MTR: variants seen among roughly 807,000 people sequenced by gnomAD.
MTR encodes 5-methyltetrahydrofolate-homocysteine methyltransferase, also known as methionine synthase.
MTR carries 84 observed loss-of-function variants against 154.8 expected under a neutral mutation model. That is an observed-to-expected ratio of 0.54 (90% CI 0.45 to 0.65). The LOEUF is 0.65. MTR is among the 30% of genes least tolerant of loss of function. The pLI is 0.00. For missense variants in MTR, 1,275 were observed against 1,570.2 expected, an observed-to-expected ratio of 0.81 and a Z score of 3.18; for synonymous variants, 554 against 553.9, an observed-to-expected ratio of 1.00 and a Z score of 0.00.
At chr1:236,821,007 T>C (rs936032902) in intron 8 of MTR, among the ~76,000 whole-genome samples, 1 of 152,250 alleles carries the variant, frequency 6.6e-6, no homozygotes, top group African/African-American at 2.4e-5. Flanking sequence ...TGTTGTTGAA[T>C]TTTAAGAATT....
In MTR at chr1:236,828,342, T is replaced by A. The variant is rs1007316070; in HGVS notation, c.996-847T>A. Among the ~76,000 whole-genome samples, 5 of 152,236 alleles carry A rather than the reference T, an allele frequency of 3.3e-5. No homozygotes were observed. The East Asian group carries it at 7.7e-4, about 23-fold the overall frequency. ...AAGCTGTCAGTAGTTAAATATTGCT[T>A]ATCTTTGGATCAGCAACTATTTCTT... On this transcript the variant is annotated intron_variant, in intron 11 of 32. Transcript: ENST00000366577.
chr1:236,803,039 G>T (rs948348023), intron 1 of MTR, among the ~76,000 whole-genome samples: 2 of 152,154 alleles, frequency 1.3e-5, no homozygotes, highest in African/African-American at 2.4e-5. Flanking sequence ...GAATAGTTTG[G>T]AATTATTGAT....
chr1:236,889,066 G>T, intron 27 of MTR, 115 bp from the exon 28 acceptor site: 1 of 1,265,260 alleles, frequency 7.9e-7, no homozygotes, highest in Admixed American at 1.7e-5. Flanking sequence ...ACTCCTACGG[G>T]TGACAGGAGG....
rs1666494826 is a variant in MTR at position 236,894,272 on chromosome 1, G to A, written c.3205-85G>A. ...GTTGTGAAGCTTATTCTCATTTGACGATACCCGATTGCTCTTCATGGTGTG... is the reference window on the plus strand; with the variant it reads ...GTTGTGAAGCTTATTCTCATTTGACAATACCCGATTGCTCTTCATGGTGTG... On this transcript the variant is annotated intron_variant, in intron 29 of 32. Transcript: ENST00000366577. 4 of 1,311,018 alleles carry A rather than the reference G, an allele frequency of 3.1e-6. No homozygotes were observed. The South Asian group carries it at 3.6e-5, about 12-fold the overall frequency. The allele number at this position is 1,311,018 out of a possible 1,614,324, so 81.2% of individuals were successfully genotyped here.
chr1:236,888,634 G>T (rs538670119), intron 27 of MTR, among the ~76,000 whole-genome samples: 2 of 152,292 alleles, frequency 1.3e-5, no homozygotes, highest in Admixed American at 6.5e-5. Flanking sequence ...CAGAGTGGAG[G>T]ATTATGTATT....
At position 236,852,547 on chromosome 1, in the gene MTR, T is replaced by C. The variant is rs142857114; in HGVS notation, c.1722T>C (p.Ser574=). Residue 574 remains serine (S), a synonymous_variant, in exon 17 of 33, where the codon AGT becomes AGC. Transcript: ENST00000366577. The part of the protein sequence containing the change: ...IKETLPGARI[S]GGLSNLSFSF... ...AAACATTACCTGGAGCCAGAATAAG[T>C]GGAGGTCTTTCCAACTTGTCCTTCT... 300 of 1,614,014 alleles carry C rather than the reference T, an allele frequency of 1.9e-4. 4 individuals carry two copies. In the East Asian group the frequency reaches 6.6e-3, roughly 35 times the overall value.
Position 236,889,205 on chromosome 1 carries a change from A to G in MTR, c.2876A>G (p.Gln959Arg). The change falls in exon 28 of 33, where the codon CAG (glutamine) becomes CGG (arginine). Residue 959 changes from glutamine to arginine, a missense_variant. By Grantham distance (43) the Gln-to-Arg change is conservative. Transcript: ENST00000366577. ...GTGAAGCCCACGTTTATTGGGACCCAGGTCTTTGAAGACTATGACCTGCAG... is the reference window on the plus strand; with the variant it reads ...GTGAAGCCCACGTTTATTGGGACCCGGGTCTTTGAAGACTATGACCTGCAG... ...HPVKPTFIGT[Q>R]VFEDYDLQKL... 1.2e-6 allele frequency: 2 copies of G among 1,614,246 alleles called. No individual in the cohort carries two copies.
rs767855659 is a variant in MTR at position 236,874,783 on chromosome 1, C to T, written c.2531C>T (p.Ala844Val). ...TPSLDEMIFVAKEMERLAIRI... is the reference protein window; with the variant it reads ...TPSLDEMIFVVKEMERLAIRI... ...TCCCTGGATGAAATGATTTTTGTTG[C>T]CAAGGAAATGGAGAGATTAGCTATA... The change falls in exon 24 of 33, where the codon GCC (alanine) becomes GTC (valine). Residue 844 changes from alanine to valine, a missense_variant. Physicochemically the swap from Ala to Val is moderately conservative, Grantham distance 64 (BLOSUM62 0). Transcript: ENST00000366577. 3.7e-6 allele frequency: 6 copies of T among 1,612,366 alleles called. No homozygotes were observed. Among genetic ancestry groups the T allele is most frequent in the Admixed American group, 1.7e-5 (1 of 59,930 alleles).
At position 236,832,977 on chromosome 1, in the gene MTR, T is replaced by C. The variant is rs1662702866; in HGVS notation, c.1188+899T>C. On this transcript the variant is annotated intron_variant, in intron 13 of 32. Transcript: ENST00000366577. ...CATTCTTGCTGCTGTCCAGTGCTCC[T>C]GTATGCATCCATCATGGGCCTTCCC... 4.6e-5 allele frequency among the ~76,000 whole-genome samples: 7 copies of C among 152,350 alleles called. No homozygotes were observed. In the South Asian group the frequency reaches 1.4e-3, roughly 32 times the overall value.
At position 236,888,790 on chromosome 1, in the gene MTR, T is replaced by C. The variant is rs573510472; in HGVS notation, c.2852-391T>C. Among the ~76,000 whole-genome samples, 8 of 152,348 alleles carry C rather than the reference T, an allele frequency of 5.3e-5. No individual in the cohort carries two copies. In the South Asian group the frequency reaches 1.2e-3, roughly 24 times the overall value. ...ATGATTGTTTCCGGTTTTGAAACTT[T>C]AGATAAGTAGCTTACTCTCCATGTC... On this transcript the variant is annotated intron_variant, in intron 27 of 32. Transcript: ENST00000366577.
At chr1:236,824,440 C>A (rs1170150494) in intron 9 of MTR, among the ~76,000 whole-genome samples, 1 of 152,180 alleles carries the variant, frequency 6.6e-6, no homozygotes, top group African/African-American at 2.4e-5. Flanking sequence ...CGGAAATGAG[C>A]TTAGTCACAT....
chr1:236,807,269 G>A (rs1661038130), intron 3 of MTR, among the ~76,000 whole-genome samples: 1 of 152,180 alleles, frequency 6.6e-6, no homozygotes, highest in African/African-American at 2.4e-5. Flanking sequence ...CGCCTCCTGG[G>A]TTCAAGTGTT....
At chr1:236,890,572 C>A (rs1208789541) in intron 28 of MTR, among the ~76,000 whole-genome samples, 1 of 152,136 alleles carries the variant, frequency 6.6e-6, no homozygotes, top group Non-Finnish European at 1.5e-5. Context: ...TGAGGATTTA[C>A]CGAGTCTGAG....
Position 236,903,366 on chromosome 1 carries a change from A to T in MTR, c.*5722A>T, listed in dbSNP as rs1398215475. On this transcript the variant is annotated 3_prime_UTR_variant, in exon 33 of 33. Transcript: ENST00000366577. ...TGACTAGTCTGAGTGAAAAGTGAGG[A>T]TTTAAATGAAGTAACCCCTAAACTC... 1 of 152,192 alleles carries T rather than the reference A, an allele frequency of 6.6e-6. No homozygotes were observed. 9.4% of individuals were successfully genotyped at this position (152,192 alleles called of 1,614,324 possible).
chr1:236,808,035 CA>C (rs1661083241), intron 3 of MTR, among the ~76,000 whole-genome samples: 2 of 152,152 alleles, frequency 1.3e-5, no homozygotes, highest in African/African-American at 4.8e-5. Context: ...ATTCAAGACA[CA>C]TAGGATCTTA....
At chr1:236,863,675 T>A in intron 22 of MTR, 121 bp downstream of exon 22, 1 of 864,884 alleles carries the variant, frequency 1.2e-6, no homozygotes, top group South Asian at 1.4e-5. Flanking sequence ...GAGGTTATTT[T>A]TTATTTCTTT....
At chr1:236,880,587 T>G (rs553315039) in intron 24 of MTR, among the ~76,000 whole-genome samples, 168 bp from the exon 25 acceptor site, 1 of 152,292 alleles carries the variant, frequency 6.6e-6, no homozygotes, top group East Asian at 1.9e-4. Flanking sequence ...AAAAAGTCAT[T>G]CATGTTTTAC....
chr1:236,896,041 T>C (rs1666605846), intron 31 of MTR, among the ~76,000 whole-genome samples: 1 of 152,232 alleles, frequency 6.6e-6, no homozygotes, highest in Non-Finnish European at 1.5e-5. Context: ...TATATTCTTC[T>C]GTAATCATAA....
intron 2 of MTR, among the ~76,000 whole-genome samples, chr1:236,804,495 CT>C (rs11315816): frequency 0.024 from 3,728 of 152,216 alleles, 161 homozygotes; most frequent in African/African-American, 0.084. Flanking sequence ...TTCGTACTGT[CT>C]TATAATTTGC....
Sources: gnomAD v4.1 joint callset for allele counts (sites outside exome capture counted in the v4.1 genomes callset) on GRCh38, gnomAD v4.1.1 for gene constraint, MANE v1.5 for transcripts, NCBI Gene and HGNC (gene_info 2026-07-23, HGNC 2026-07-21) for gene names.